Variants in LNPK observed in about 807,000 individuals in gnomAD.
The protein encoded by LNPK is lunapark, ER junction formation factor, also known as endoplasmic reticulum junction formation protein lunapark.
In LNPK, 29 loss-of-function variants were observed where a neutral mutation model predicts 55.2. The ratio of observed to expected loss-of-function variants is 0.53; its 90% CI spans 0.39 to 0.72. The LOEUF is 0.72. Among genes scored for constraint, LNPK ranks in the 30% least tolerant of loss-of-function variants. The pLI is 0.00. For missense variants in LNPK, 467 were observed against 494.8 expected (o/e 0.94, Z 0.53); for synonymous variants, 162 against 168.2 (o/e 0.96, Z 0.29).
chr2:175,934,167 C>A (rs1306235235), intron 12 of LNPK, among the ~76,000 whole-genome samples: 1 of 152,058 alleles, frequency 6.6e-6, no homozygotes, highest in East Asian at 1.9e-4. Context: ...GAAGGCTGCA[C>A]ATAAGTAAAT....
intron 4 of LNPK, among the ~76,000 whole-genome samples, chr2:175,988,512 CAAAAAAAAAAAAA>C (rs575414400): frequency 1.0e-4 from 6 of 58,730 alleles, no homozygotes; most frequent in African/African-American, 2.0e-4. Flanking sequence ...ACTCTGTCTC[CAAAAAAAAAAAAA>C]AAAAAAAAAA....
rs2105492546 is a variant in LNPK at position 175,924,694 on chromosome 2, A to AC, written c.*5272dup. ...ATTTACTGAAAAAAAAACAAAACAA[A>AC]CAAAAAAAAAAAACAAAGAAGAAGT... is the stretch of plus-strand genomic sequence containing the variant. On this transcript the variant is annotated 3_prime_UTR_variant, in exon 13 of 13. Transcript: ENST00000272748. 1 of 80,280 alleles carries AC rather than the reference A, an allele frequency of 1.2e-5. No homozygotes were observed. Among genetic ancestry groups the AC allele is most frequent in the Non-Finnish European group, 2.8e-5 (1 of 35,244 alleles). 5.0% of individuals were successfully genotyped at this position (80,280 alleles called of 1,614,324 possible).
intron 6 of LNPK, among the ~76,000 whole-genome samples, chr2:175,968,500 A>G (rs2105645108): frequency 6.6e-6 from 1 of 152,340 alleles, no homozygotes; most frequent in Admixed American, 6.5e-5. Flanking sequence ...CTGCTTGCAC[A>G]GATTACTCAG....
intron 8 of LNPK, 60 bp downstream of exon 8, chr2:175,964,312 C>T: frequency 2.1e-6 from 3 of 1,396,036 alleles, no homozygotes; most frequent in Non-Finnish European, 3.0e-6. Flanking sequence ...CACTTTTGAA[C>T]TCACTTGGGT....
chr2:175,941,153 A>C (rs1277567549), intron 9 of LNPK: 1 of 342,292 alleles, frequency 2.9e-6, no homozygotes, highest in Non-Finnish European at 5.8e-6. Flanking sequence ...CAGGAGGCAG[A>C]GGTAGAAGGA....
rs535592243 is a variant in LNPK, at chr2:175,940,946, T to C, written c.707-1289A>G. On this transcript the variant is annotated intron_variant, in intron 9 of 12. Coordinates refer to ENST00000272748, the MANE Select transcript of LNPK (RefSeq NM_030650.3). ...ACTGGTGAACTTTAAGACATAGCAATAGAAACCATACAAAATGACAACCAG... is the reference window on the plus strand; with the variant it reads ...ACTGGTGAACTTTAAGACATAGCAACAGAAACCATACAAAATGACAACCAG... 8.3e-4 allele frequency: 377 copies of C among 454,120 alleles called. 6 individuals carry two copies. Among genetic ancestry groups the C allele is most frequent in the South Asian group, 5.6e-3 (358 of 64,478 alleles). 28.1% of individuals were successfully genotyped at this position (454,120 alleles called of 1,614,324 possible). A position where few individuals can be genotyped will look rare whatever the true frequency, so the allele number is the denominator to read the frequency against.
chr2:175,938,467 T>C (rs751466489), intron 10 of LNPK, 84 bp from the exon 11 acceptor site: 4 of 633,954 alleles, frequency 6.3e-6, no homozygotes, highest in East Asian at 2.8e-5. Context: ...TCATGGCTAA[T>C]TTATATTTTA....
chr2:175,937,229 T>A, intron 12 of LNPK, 115 bp downstream of exon 12: 1 of 989,944 alleles, frequency 1.0e-6, no homozygotes, highest in East Asian at 2.5e-5. Context: ...GTAGTTGACA[T>A]ATGCATGCAG....
intron 8 of LNPK, among the ~76,000 whole-genome samples, chr2:175,956,489 A>C (rs1574843652): frequency 1.3e-5 from 2 of 152,100 alleles, no homozygotes; most frequent in Non-Finnish European, 2.9e-5. Context: ...ATAACCCATT[A>C]ATTATTAATA....
At chr2:175,999,016 T>C (rs1250031798) in intron 1 of LNPK, among the ~76,000 whole-genome samples, 1 of 152,242 alleles carries the variant, frequency 6.6e-6, no homozygotes, top group African/African-American at 2.4e-5. Flanking sequence ...TTTAAATTTG[T>C]ACTCTAAAAC....
At chr2:175,972,986 C>T (rs141991684) in intron 5 of LNPK, among the ~76,000 whole-genome samples, 1 of 152,294 alleles carries the variant, frequency 6.6e-6, no homozygotes, top group African/African-American at 2.4e-5. Flanking sequence ...TCGGATAATG[C>T]ATCTGCTACA....
chr2:175,976,019 AAAG>A (rs1686897220), intron 5 of LNPK, among the ~76,000 whole-genome samples: 1 of 152,096 alleles, frequency 6.6e-6, no homozygotes, highest in African/African-American at 2.4e-5. Flanking sequence ...TCTCAAAAAA[AAAG>A]AAAGAAAGAA....
At chr2:175,994,335 A>G in intron 2 of LNPK, 5 of 984,344 alleles carry the variant, frequency 5.1e-6, no homozygotes, top group African/African-American at 1.7e-5. Flanking sequence ...GCAGATTATT[A>G]TAAGGTCATA....
intron 10 of LNPK, among the ~76,000 whole-genome samples, chr2:175,939,233 T>C (rs1042720287): frequency 1.3e-5 from 2 of 152,156 alleles, no homozygotes; most frequent in East Asian, 1.9e-4. Flanking sequence ...CTGATACCTA[T>C]AAAGCTCCAC....
In LNPK at chr2:176,002,222, C is replaced by A. The variant is rs1688194685; in HGVS notation, c.-125G>T. On this transcript the variant is annotated 5_prime_UTR_variant, in exon 1 of 13. Coordinates refer to ENST00000272748, the MANE Select transcript of LNPK (RefSeq NM_030650.3). ...CCCCGCCAGTCTCGGCCGCCACCGC[C>A]CAGCCTGCCTCCAGAGCAGGCAGCA... 1 of 452,238 alleles carries A rather than the reference C, an allele frequency of 2.2e-6. No individual in the cohort carries two copies. The highest frequency in any genetic ancestry group is 2.0e-5 in the African/African-American group (1 of 49,644). 28.0% of individuals were successfully genotyped at this position (452,238 alleles called of 1,614,324 possible).
intron 4 of LNPK, among the ~76,000 whole-genome samples, chr2:175,981,847 G>A (rs1687188592): frequency 6.6e-6 from 1 of 152,134 alleles, no homozygotes; most frequent in African/African-American, 2.4e-5. Context: ...CAGCTAAGCA[G>A]CTCTTAACAT....
intron 8 of LNPK, among the ~76,000 whole-genome samples, chr2:175,960,925 T>C (rs912308124): frequency 4.6e-5 from 7 of 152,148 alleles, no homozygotes; most frequent in Non-Finnish European, 1.0e-4. Flanking sequence ...GAGAATACTA[T>C]AGACACCTCT....
intron 8 of LNPK, among the ~76,000 whole-genome samples, chr2:175,954,485 C>T (rs1170194849): frequency 6.6e-6 from 1 of 152,194 alleles, no homozygotes; most frequent in South Asian, 2.1e-4. Flanking sequence ...GAAGTCCATA[C>T]AGAAAAGCTA....
At chr2:175,971,354 C>T (rs867215886) in intron 5 of LNPK, among the ~76,000 whole-genome samples, 16 of 151,956 alleles carry the variant, frequency 1.1e-4, no homozygotes, top group African/African-American at 2.9e-4. Flanking sequence ...AAGATTTGCC[C>T]GCTTATATAG....
Sources: gnomAD v4.1 joint callset for allele counts (sites outside exome capture counted in the v4.1 genomes callset) on GRCh38, gnomAD v4.1.1 for gene constraint, MANE v1.5 for transcripts, NCBI Gene and HGNC (gene_info 2026-07-23, HGNC 2026-07-21) for gene names.